The following SLC9A9 variants were observed in gnomAD, a reference collection of about 807,000 sequenced individuals.
The protein encoded by SLC9A9 is solute carrier family 9 member A9, also known as sodium/hydrogen exchanger 9.
In SLC9A9, 62 loss-of-function variants were observed where a neutral mutation model predicts 77.8. That is an observed-to-expected ratio of 0.80 (90% confidence interval 0.65 to 0.98). The LOEUF is 0.98. Among genes scored for constraint, SLC9A9 ranks in the 50% least tolerant of loss-of-function variants. The pLI is 0.00. For synonymous variants in SLC9A9, 320 were observed against 283.5 expected (o/e 1.13, Z -1.29); for missense variants, 775 against 774.9 (o/e 1.00, Z 0.00).
intron 6 of SLC9A9, among the ~76,000 whole-genome samples, chr3:143,596,287 C>CGT (rs376963423): frequency 3.9e-5 from 6 of 152,102 alleles, no homozygotes; most frequent in South Asian, 2.1e-4. Context: ...CTCTTCTCAA[C>CGT]GTGTGTGTGT....
intron 4 of SLC9A9, among the ~76,000 whole-genome samples, chr3:143,753,754 A>T (rs2006824092): frequency 6.6e-6 from 1 of 152,216 alleles, no homozygotes; most frequent in Non-Finnish European, 1.5e-5. Flanking sequence ...CCTTTCTGGG[A>T]TCACATGCAT....
intron 5 of SLC9A9, among the ~76,000 whole-genome samples, chr3:143,658,085 T>G (rs1361191184): frequency 6.6e-6 from 1 of 152,152 alleles, no homozygotes; most frequent in Non-Finnish European, 1.5e-5. Context: ...CAGACTGGTC[T>G]TGAACTCCTG....
At chr3:143,462,778 C>T (rs1282603904) in intron 12 of SLC9A9, among the ~76,000 whole-genome samples, 1 of 152,166 alleles carries the variant, frequency 6.6e-6, no homozygotes, top group East Asian at 1.9e-4. Context: ...ACATTTCTTT[C>T]TTCAAAGGAT....
chr3:143,657,381 T>A (rs533414502), intron 5 of SLC9A9, among the ~76,000 whole-genome samples: 1 of 152,332 alleles, frequency 6.6e-6, no homozygotes, highest in African/African-American at 2.4e-5. Flanking sequence ...GAATATATGA[T>A]ATGCATGCAC....
chr3:143,553,514 A>G (rs2036928752), intron 8 of SLC9A9, among the ~76,000 whole-genome samples: 1 of 152,224 alleles, frequency 6.6e-6, no homozygotes, highest in Non-Finnish European at 1.5e-5. Flanking sequence ...TCTTAAGAGT[A>G]TAGAGATATG....
intron 12 of SLC9A9, among the ~76,000 whole-genome samples, chr3:143,451,749 C>G (rs1525009): frequency 0.77 from 117,519 of 152,020 alleles, 46,613 homozygotes; most frequent in East Asian, 1. Flanking sequence ...ATGAAAGAAG[C>G]GTATGAACAT....
At chr3:143,387,832 A>G (rs1010867507) in intron 12 of SLC9A9, among the ~76,000 whole-genome samples, 3 of 152,098 alleles carry the variant, frequency 2.0e-5, no homozygotes, top group Non-Finnish European at 1.5e-5. Context: ...GAGGGAAAGC[A>G]AGGTAACTAA....
intron 4 of SLC9A9, among the ~76,000 whole-genome samples, chr3:143,721,036 T>C (rs1356992040): frequency 6.6e-6 from 1 of 152,160 alleles, no homozygotes; most frequent in Non-Finnish European, 1.5e-5. Context: ...TAGTGAGACC[T>C]TGTCTCTACA....
intron 8 of SLC9A9, among the ~76,000 whole-genome samples, chr3:143,569,140 A>G (rs1236924562): frequency 2.6e-5 from 4 of 152,026 alleles, no homozygotes; most frequent in African/African-American, 9.7e-5. Context: ...TACCCCAATT[A>G]TAATTCCAAA....
At chr3:143,747,998 G>A (rs976522108) in intron 4 of SLC9A9, among the ~76,000 whole-genome samples, 2 of 152,082 alleles carry the variant, frequency 1.3e-5, no homozygotes, top group Admixed American at 1.3e-4. Flanking sequence ...GTGTCTCCAC[G>A]AACCCCTTTC....
At chr3:143,553,766 T>C (rs2036933050) in intron 8 of SLC9A9, among the ~76,000 whole-genome samples, 1 of 152,234 alleles carries the variant, frequency 6.6e-6, no homozygotes, top group South Asian at 2.1e-4. Context: ...AATTTTACCA[T>C]GAAATATCTA....
intron 8 of SLC9A9, among the ~76,000 whole-genome samples, chr3:143,566,318 G>A (rs1327905750): frequency 6.6e-6 from 1 of 152,136 alleles, no homozygotes; most frequent in African/African-American, 2.4e-5. Flanking sequence ...AGGCCAATAG[G>A]AGAACAGGCT....
At chr3:143,325,932 GGTTCAGTATATT>G (rs1356166870) in intron 14 of SLC9A9, among the ~76,000 whole-genome samples, 1 of 152,084 alleles carries the variant, frequency 6.6e-6, no homozygotes, top group Non-Finnish European at 1.5e-5. Flanking sequence ...AATATGTCCT[GGTTCAGTATATT>G]GTTCATATCT....
intron 5 of SLC9A9, among the ~76,000 whole-genome samples, chr3:143,655,064 T>C (rs968158044): frequency 1.3e-5 from 2 of 152,236 alleles, no homozygotes; most frequent in African/African-American, 4.8e-5. Context: ...GAAATAAAGC[T>C]AGACAGTGTG....
chr3:143,837,861 T>C (rs2009608722), intron 1 of SLC9A9, among the ~76,000 whole-genome samples: 1 of 152,194 alleles, frequency 6.6e-6, no homozygotes, highest in Non-Finnish European at 1.5e-5. Context: ...AGCATATTAA[T>C]GGGCCCGGTT....
intron 12 of SLC9A9, among the ~76,000 whole-genome samples, chr3:143,400,055 G>T (rs932052452): frequency 6.6e-6 from 1 of 152,084 alleles, no homozygotes; most frequent in Admixed American, 6.6e-5. Context: ...GAAGAAAAAC[G>T]CTGTTAATTA....
intron 14 of SLC9A9, among the ~76,000 whole-genome samples, chr3:143,317,420 G>T (rs1473814318): frequency 6.6e-6 from 1 of 152,182 alleles, no homozygotes; most frequent in Non-Finnish European, 1.5e-5. Flanking sequence ...CTCTCAGGTT[G>T]GATGTCTCAG....
chr3:143,281,552 A>G (rs1240234454), intron 14 of SLC9A9, among the ~76,000 whole-genome samples: 1 of 151,972 alleles, frequency 6.6e-6, no homozygotes, highest in Non-Finnish European at 1.5e-5. Flanking sequence ...CAGGGTCCCA[A>G]CTCTTTGGGA....
intron 12 of SLC9A9, among the ~76,000 whole-genome samples, chr3:143,457,973 T>C (rs1384231944): frequency 6.6e-6 from 1 of 152,196 alleles, no homozygotes; most frequent in East Asian, 1.9e-4. Flanking sequence ...AGAATAGTTC[T>C]TCTGTACCCT....
Sources: gnomAD v4.1 joint callset for allele counts (sites outside exome capture counted in the v4.1 genomes callset) on GRCh38, gnomAD v4.1.1 for gene constraint, MANE v1.5 for transcripts, NCBI Gene and HGNC (gene_info 2026-07-23, HGNC 2026-07-21) for gene names.